CBFA2T2: variants seen among roughly 807,000 people sequenced by gnomAD.
CBFA2T2 encodes protein CBFA2T2.
Under a neutral mutation model 62.2 loss-of-function variants are expected in CBFA2T2, and 11 were observed. The ratio of observed to expected loss-of-function variants is 0.18; its 90% CI spans 0.11 to 0.29. CBFA2T2 has a LOEUF of 0.29. Ranked by LOEUF, CBFA2T2 falls within the 10% of genes least tolerant of loss-of-function variation. The pLI is 1.00. For synonymous variants in CBFA2T2, 295 were observed against 287.5 expected (o/e 1.03, Z -0.27); for missense variants, 592 against 774.1 (o/e 0.76, Z 2.79).
chr20:33,568,782 T>A (rs2013439723), intron 1 of CBFA2T2, among the ~76,000 whole-genome samples: 1 of 152,198 alleles, frequency 6.6e-6, no homozygotes, highest in Admixed American at 6.5e-5. Context: ...CATATGGGTC[T>A]ATGCAAAGAA....
intron 1 of CBFA2T2, among the ~76,000 whole-genome samples, chr20:33,520,026 T>C (rs1490272564): frequency 1.3e-5 from 2 of 152,050 alleles, no homozygotes; most frequent in Non-Finnish European, 2.9e-5. Flanking sequence ...TCGTGCCTAA[T>C]CCCAGCTACT....
chr20:33,566,427 G>A (rs1239005810), intron 1 of CBFA2T2, among the ~76,000 whole-genome samples: 1 of 152,022 alleles, frequency 6.6e-6, no homozygotes, highest in Non-Finnish European at 1.5e-5. Context: ...CCAACGTGGC[G>A]AAACCCCATC....
intron 1 of CBFA2T2, among the ~76,000 whole-genome samples, chr20:33,506,001 A>G (rs991824093): frequency 2.6e-5 from 4 of 152,106 alleles, no homozygotes; most frequent in African/African-American, 7.2e-5. Flanking sequence ...GAGGCAGGAG[A>G]ATTGCTTGAA....
chr20:33,499,163 T>A (rs1412582165), intron 1 of CBFA2T2, among the ~76,000 whole-genome samples: 1 of 152,186 alleles, frequency 6.6e-6, no homozygotes, highest in African/African-American at 2.4e-5. Flanking sequence ...TAAATGATAG[T>A]GCTTAATGAA....
rs761906454 is a variant in CBFA2T2, at chr20:33,623,954, GAAAAAAAAA to G, written c.692+664_692+672del. 2.5e-3 allele frequency: 798 copies of G among 320,976 alleles called. 2 individuals are homozygous for G. Among genetic ancestry groups the G allele is most frequent in the Admixed American group, 6.6e-3 (88 of 13,362 alleles). The allele number at this position is 320,976 out of a possible 1,614,324, so 19.9% of individuals were successfully genotyped here. A position where few individuals can be genotyped will look rare whatever the true frequency, so the allele number is the denominator to read the frequency against. On this transcript the variant is annotated intron_variant, in intron 5 of 10. Coordinates refer to ENST00000342704, the MANE Select transcript of CBFA2T2 (RefSeq NM_001032999.3). ...TTGATGCTGTTTGTAGAAAGAATTG[GAAAAAAAAA>G]AAAAAGAAAAGAAAAGAAAAAACAA... is the stretch of plus-strand genomic sequence containing the variant.
chr20:33,533,869 G>A (rs190815784), intron 1 of CBFA2T2, among the ~76,000 whole-genome samples: 1 of 152,242 alleles, frequency 6.6e-6, no homozygotes, highest in Admixed American at 6.5e-5. Context: ...CAGCTACTCA[G>A]GAGGGTGAGG....
intron 1 of CBFA2T2, among the ~76,000 whole-genome samples, chr20:33,596,303 A>G (rs779627154): frequency 4.6e-5 from 7 of 152,226 alleles, no homozygotes; most frequent in Non-Finnish European, 7.3e-5. Flanking sequence ...TTTGTTACAC[A>G]TAATATACTT....
chr20:33,586,166 C>CTTGT (rs1043694591), intron 1 of CBFA2T2, among the ~76,000 whole-genome samples: 6 of 151,892 alleles, frequency 4.0e-5, no homozygotes, highest in African/African-American at 1.4e-4. Flanking sequence ...ACTGGGTTTT[C>CTTGT]TTGTTTGTTT....
intron 1 of CBFA2T2, among the ~76,000 whole-genome samples, chr20:33,557,004 C>CTTTTTTTTTTTTTTTTTTTTT (rs751836572): frequency 4.3e-5 from 2 of 46,212 alleles, no homozygotes; most frequent in African/African-American, 1.9e-4. Context: ...GCATGCTTAT[C>CTTTTTTTTTTTTTTTTTTTTT]TTTTTTTTTT....
chr20:33,535,661 T>C (rs888093873), intron 1 of CBFA2T2, among the ~76,000 whole-genome samples: 12 of 149,768 alleles, frequency 8.0e-5, no homozygotes, highest in Non-Finnish European at 1.6e-4. Flanking sequence ...ATTTATTTTA[T>C]TTTATTTTAT....
intron 1 of CBFA2T2, among the ~76,000 whole-genome samples, chr20:33,494,849 C>T (rs986365950): frequency 6.6e-6 from 1 of 152,014 alleles, no homozygotes; most frequent in African/African-American, 2.4e-5. Context: ...CCGCCCGTCT[C>T]AGCCTCCCAA....
intron 1 of CBFA2T2, among the ~76,000 whole-genome samples, chr20:33,514,288 C>T (rs893705134): frequency 1.4e-5 from 2 of 141,574 alleles, no homozygotes; most frequent in Admixed American, 7.4e-5. Flanking sequence ...GATCTCGGCT[C>T]GCTACAACCT....
At chr20:33,540,075 T>C (rs2012371327) in intron 1 of CBFA2T2, among the ~76,000 whole-genome samples, 2 of 152,168 alleles carry the variant, frequency 1.3e-5, no homozygotes, top group South Asian at 4.1e-4. Flanking sequence ...AAAGTAGCTT[T>C]AAGAGAACAG....
At chr20:33,548,895 G>T (rs2012653354) in intron 1 of CBFA2T2, among the ~76,000 whole-genome samples, 1 of 152,156 alleles carries the variant, frequency 6.6e-6, no homozygotes, top group Non-Finnish European at 1.5e-5. Context: ...GTTTGAGGTT[G>T]CAGTGAGCTA....
At chr20:33,619,795 A>G (rs1267366084) in intron 4 of CBFA2T2, among the ~76,000 whole-genome samples, 189 bp downstream of exon 4, 2 of 152,210 alleles carry the variant, frequency 1.3e-5, no homozygotes, top group East Asian at 3.8e-4. Context: ...AAAAGCCTTA[A>G]GTTGTGGTCT....
intron 1 of CBFA2T2, chr20:33,562,490 T>C (rs2013122253): frequency 1.0e-6 from 1 of 985,774 alleles, no homozygotes; most frequent in East Asian, 1.1e-4. Context: ...CAGGCAGCTC[T>C]AGTCAGTGAG....
rs187260412 is a variant in CBFA2T2 at position 33,576,784 on chromosome 20, C to T, written c.35-30172C>T. Among the ~76,000 whole-genome samples, 14 of 152,372 alleles carry T rather than the reference C, an allele frequency of 9.2e-5. 1 individual carries two copies. The highest frequency in any genetic ancestry group is 9.1e-4 in the Admixed American group (14 of 15,308). ...CTGTACATTTTTGCTACAGCACATC[C>T]GTATTTCTGCTCACACTTGTGAAGA... On this transcript the variant is annotated intron_variant, in intron 1 of 10. Transcript: ENST00000342704.
At chr20:33,631,782 C>T (rs1418451354) in intron 8 of CBFA2T2, among the ~76,000 whole-genome samples, 1 of 152,158 alleles carries the variant, frequency 6.6e-6, no homozygotes, top group Non-Finnish European at 1.5e-5. Flanking sequence ...TATTGTCATT[C>T]TAGGTTTGGT....
At chr20:33,642,114 T>TGTGTG (rs1555851369) in intron 10 of CBFA2T2, among the ~76,000 whole-genome samples, 6 of 62,862 alleles carry the variant, frequency 9.5e-5, no homozygotes, top group Non-Finnish European at 1.8e-4. Context: ...TCTTTTTTTT[T>TGTGTG]TTTGTGTGTG....
Sources: allele counts gnomAD v4.1 joint callset (sites outside exome capture counted in the v4.1 genomes callset), GRCh38; gene constraint gnomAD v4.1.1; transcripts MANE v1.5; gene names NCBI Gene and HGNC (gene_info 2026-07-23, HGNC 2026-07-21).